Variants in LGALS3 observed in about 807,000 individuals in gnomAD.
LGALS3 encodes the protein galectin 3, also known as galectin-3.
LGALS3 carries 18 observed loss-of-function variants against 20.7 expected under a neutral mutation model. The observed-to-expected ratio is 0.87, with a 90% confidence interval of 0.60 to 1.29. The LOEUF (loss-of-function observed/expected upper bound fraction) is 1.29. Ranked by LOEUF, LGALS3 falls within the 50% of genes most tolerant of loss-of-function variation. The pLI, the probability that LGALS3 is intolerant of heterozygous loss-of-function variation, is 0.00. For synonymous variants in LGALS3, 112 were observed against 119.6 expected, an observed-to-expected ratio of 0.94 and a Z score of 0.42; for missense variants, 315 against 314.7, an observed-to-expected ratio of 1.00 and a Z score of -0.01.
Position 55,142,747 on chromosome 14 carries a change from AAAGT to A in LGALS3, c.597+3_597+6del, listed in dbSNP as rs368567345. On this transcript the variant is annotated splice_donor_variant and coding_sequence_variant, in exon 5 of 6. Coordinates refer to ENST00000254301, the MANE Select transcript of LGALS3 (RefSeq NM_002306.4). LOFTEE classifies it high-confidence loss of function. ...CCCATTTGAAAGTGGGAAACCATTC[AAAGT>A]AAGTTATTGCTACTATTATATATTG... 6.2e-7 allele frequency: 1 copy of A among 1,609,864 alleles called. No individual in the cohort carries two copies. The highest frequency in any genetic ancestry group is 2.2e-5 in the East Asian group (1 of 44,848).
At chr14:55,130,050 C>T (rs1259802367) in intron 1 of LGALS3, among the ~76,000 whole-genome samples, 3 of 152,216 alleles carry the variant, frequency 2.0e-5, no homozygotes, top group Non-Finnish European at 4.4e-5. Context: ...TTTGCAAAGA[C>T]TGCAAACTCT....
At chr14:55,130,766 G>GGT (rs1566779560) in intron 1 of LGALS3, among the ~76,000 whole-genome samples, 8 of 126,224 alleles carry the variant, frequency 6.3e-5, no homozygotes, top group Non-Finnish European at 1.4e-4. Flanking sequence ...GGGGGGGGGG[G>GGT]TCCCTCCATG....
intron 4 of LGALS3, among the ~76,000 whole-genome samples, chr14:55,142,267 CTG>C (rs567963601): frequency 2.1e-4 from 32 of 152,246 alleles, no homozygotes; most frequent in African/African-American, 7.2e-4. Context: ...CTCTAAACCT[CTG>C]TAAGAAAACC....
Position 55,138,252 on chromosome 14 carries a change from C to T in LGALS3, c.226C>T (p.Pro76Ser), listed in dbSNP as rs771462640. Residue 76 changes from proline to serine, a missense_variant, in exon 3 of 6, where the codon CCT becomes TCT. Pro to Ser is a moderately conservative substitution (Grantham distance 74, BLOSUM62 -1). Transcript: ENST00000254301. ...TGGAGCTTATCCCGGAGCACCTGCA[C>T]CTGGAGTCTACCCAGGGCCACCCAG... ...APGAYPGAPA[P>S]GVYPGPPSGP... The T allele has an allele frequency of 1.9e-5, 30 of 1,612,512 alleles. No homozygotes were observed. Among genetic ancestry groups the T allele is most frequent in the Non-Finnish European group, 2.3e-5 (27 of 1,179,524 alleles).
chr14:55,142,496 A>G, intron 4 of LGALS3, 88 bp from the exon 5 acceptor site: 1 of 1,087,870 alleles, frequency 9.2e-7, no homozygotes, highest in Non-Finnish European at 1.3e-6. Flanking sequence ...TTATGAAATT[A>G]TTTGCTTTTT....
intron 5 of LGALS3, 132 bp from the exon 6 acceptor site, chr14:55,144,984 T>G (rs183825869): frequency 1.4e-6 from 1 of 705,252 alleles, no homozygotes; most frequent in African/African-American, 1.8e-5. Flanking sequence ...TAATGGACAT[T>G]TTTTCCCTTT....
intron 1 of LGALS3, among the ~76,000 whole-genome samples, chr14:55,135,044 C>T (rs919070910): frequency 1.3e-5 from 2 of 151,230 alleles, no homozygotes; most frequent in African/African-American, 4.9e-5. Context: ...GTCCCAGTTC[C>T]TTGGGAGGCT....
Position 55,129,353 on chromosome 14 carries a change from C to A in LGALS3, c.-5+53C>A, listed in dbSNP as rs1224233480. On this transcript the variant is annotated intron_variant, in intron 1 of 5. Coordinates refer to ENST00000254301, the MANE Select transcript of LGALS3 (RefSeq NM_002306.4). The surrounding 1 kb of genome is among the most constrained non-coding windows in gnomAD (Gnocchi z 5.3). The stretch of plus-strand genomic sequence containing the variant: ...GGCTCCGGCCGGGCAGGGGAGAGGG[C>A]GCCCGGGCGCTGCTTGGGGCGCGGT... 6.6e-6 allele frequency: 1 copy of A among 151,834 alleles called. No homozygotes were observed. The highest frequency in any genetic ancestry group is 1.5e-5 in the Non-Finnish European group (1 of 67,978). The allele number at this position is 151,834 out of a possible 1,614,324, so 9.4% of individuals were successfully genotyped here.
chr14:55,144,109 G>T (rs779767421), intron 5 of LGALS3, among the ~76,000 whole-genome samples: 1 of 152,062 alleles, frequency 6.6e-6, no homozygotes, highest in Non-Finnish European at 1.5e-5. Flanking sequence ...TCCTATTTTC[G>T]TGTTTTTCTT....
intron 1 of LGALS3, among the ~76,000 whole-genome samples, chr14:55,132,463 A>C (rs78733901): frequency 0.082 from 12,541 of 152,206 alleles, 1,383 homozygotes; most frequent in African/African-American, 0.25. Flanking sequence ...AAAGAAAAAA[A>C]TTTCAGGCAA....
intron 5 of LGALS3, chr14:55,143,462 GC>G: frequency 2.9e-6 from 1 of 347,072 alleles, no homozygotes; most frequent in South Asian, 2.1e-5. Flanking sequence ...TCGCTCTGTC[GC>G]CAGGCTGGAG....
chr14:55,136,328 A>G (rs531622480), intron 1 of LGALS3, among the ~76,000 whole-genome samples: 2 of 151,990 alleles, frequency 1.3e-5, no homozygotes, highest in Non-Finnish European at 2.9e-5. Flanking sequence ...AAAAAAGCAC[A>G]TACAAACTTC....
intron 4 of LGALS3, among the ~76,000 whole-genome samples, chr14:55,141,622 C>T (rs999956968): frequency 6.6e-6 from 1 of 152,090 alleles, no homozygotes; most frequent in Non-Finnish European, 1.5e-5. Flanking sequence ...AAAACTGTTG[C>T]TTAGTCCTGC....
chr14:55,136,626 A>G (rs1441264923), intron 1 of LGALS3, among the ~76,000 whole-genome samples: 2 of 152,144 alleles, frequency 1.3e-5, no homozygotes, highest in East Asian at 3.8e-4. Context: ...ATCATGGAAA[A>G]TGGGGTATCC....
intron 4 of LGALS3, 79 bp from the exon 5 acceptor site, chr14:55,142,505 T>C: frequency 8.0e-7 from 1 of 1,246,910 alleles, no homozygotes; most frequent in South Asian, 1.5e-5. Flanking sequence ...TATTTGCTTT[T>C]TAGAAAATTA....
At chr14:55,137,250 T>G in intron 1 of LGALS3, 120 bp from the exon 2 acceptor site, 2 of 963,442 alleles carry the variant, frequency 2.1e-6, no homozygotes, top group South Asian at 2.6e-5. Context: ...GCCACACTAC[T>G]GACTTAGGCA....
Position 55,142,619 on chromosome 14 carries a change from C to G in LGALS3, c.467C>G (p.Ala156Gly), listed in dbSNP as rs761325032. ...ALDFQRGNDV[A>G]FHFNPRFNEN... ...GATTTCCAAAGAGGGAATGATGTTG[C>G]CTTCCACTTTAACCCACGCTTCAAT... Residue 156 changes from alanine to glycine, a missense_variant, in exon 5 of 6, where the codon GCC becomes GGC. Physicochemically the swap from Ala to Gly is moderately conservative, Grantham distance 60 (BLOSUM62 0). Coordinates refer to ENST00000254301, the MANE Select transcript of LGALS3 (RefSeq NM_002306.4). 1 of 1,613,582 alleles carries G rather than the reference C, an allele frequency of 6.2e-7. No individual in the cohort carries two copies. The highest frequency in any genetic ancestry group is 1.1e-5 in the South Asian group (1 of 91,056).
At chr14:55,139,374 C>T (rs568306395) in intron 3 of LGALS3, among the ~76,000 whole-genome samples, 1 of 152,262 alleles carries the variant, frequency 6.6e-6, no homozygotes, top group South Asian at 2.1e-4. Context: ...GTAGGGAAGA[C>T]CATTCTAGTT....
chr14:55,135,402 T>TA (rs943436802), intron 1 of LGALS3, among the ~76,000 whole-genome samples: 27 of 150,378 alleles, frequency 1.8e-4, no homozygotes, highest in African/African-American at 3.2e-4. Context: ...TATTCCAAAA[T>TA]AAAAAAAAAT....
Sources: gnomAD v4.1 joint callset for allele counts (sites outside exome capture counted in the v4.1 genomes callset) on GRCh38, gnomAD v4.1.1 for gene constraint, Gnocchi (gnomAD v3.1) non-coding constraint, MANE v1.5 for transcripts, NCBI Gene and HGNC (gene_info 2026-07-23, HGNC 2026-07-21) for gene names.